The following LDLRAD4 variants were observed in gnomAD, a reference collection of about 807,000 sequenced individuals.
The protein encoded by LDLRAD4 is low-density lipoprotein receptor class A domain-containing protein 4.
Under a neutral mutation model 17.0 loss-of-function variants are expected in LDLRAD4, and 5 were observed. The ratio of observed to expected loss-of-function variants is 0.29; its 90% CI spans 0.15 to 0.62. LDLRAD4 has a LOEUF of 0.62. Among genes scored for constraint, LDLRAD4 ranks in the 20% least tolerant of loss-of-function variants. The pLI, the probability that LDLRAD4 is intolerant of heterozygous loss-of-function variation, is 0.84. For missense variants in LDLRAD4, 340 were observed against 424.7 expected, an observed-to-expected ratio of 0.80 and a Z score of 1.75; for synonymous variants, 168 against 171.8, an observed-to-expected ratio of 0.98 and a Z score of 0.17.
chr18:13,247,750 C>T (rs372766165), intron 1 of LDLRAD4, among the ~76,000 whole-genome samples: 18 of 152,200 alleles, frequency 1.2e-4, no homozygotes, highest in African/African-American at 3.6e-4. Flanking sequence ...TTGCTGATGG[C>T]GCTCCAGGGT....
intron 1 of LDLRAD4, among the ~76,000 whole-genome samples, chr18:13,307,925 C>A (rs2047008902): frequency 6.6e-6 from 1 of 152,142 alleles, no homozygotes; most frequent in East Asian, 1.9e-4. Flanking sequence ...GGGCTGGCAT[C>A]CCTAACCTCT....
At chr18:13,586,130 G>T (rs1293684) in intron 3 of LDLRAD4, among the ~76,000 whole-genome samples, 1 of 152,106 alleles carries the variant, frequency 6.6e-6, no homozygotes, top group Admixed American at 6.5e-5. Context: ...AACTGAGGGC[G>T]GGGCATGGTG....
chr18:13,481,229 C>T (rs982010605), intron 3 of LDLRAD4, among the ~76,000 whole-genome samples: 3 of 152,200 alleles, frequency 2.0e-5, no homozygotes, highest in African/African-American at 4.8e-5. Context: ...AGTGAACACC[C>T]TGCTTTGAGA....
chr18:13,369,924 C>T (rs569662999), intron 1 of LDLRAD4, among the ~76,000 whole-genome samples: 97 of 152,328 alleles, frequency 6.4e-4, no homozygotes, highest in Admixed American at 1.0e-3. Flanking sequence ...AGCCTGACCA[C>T]GCCTGCCACC....
At chr18:13,237,608 C>G (rs1425117797) in intron 1 of LDLRAD4, among the ~76,000 whole-genome samples, 1 of 152,178 alleles carries the variant, frequency 6.6e-6, no homozygotes, top group Non-Finnish European at 1.5e-5. Context: ...TTGTTCCTAG[C>G]TCGGTCTCCA....
At chr18:13,344,700 C>A (rs1186708189) in intron 1 of LDLRAD4, among the ~76,000 whole-genome samples, 1 of 152,188 alleles carries the variant, frequency 6.6e-6, no homozygotes, top group Admixed American at 6.5e-5. Context: ...GATATTGATT[C>A]TTCTTACCCA....
intron 3 of LDLRAD4, among the ~76,000 whole-genome samples, chr18:13,492,273 T>C (rs1009866590): frequency 6.6e-6 from 1 of 152,224 alleles, no homozygotes; most frequent in African/African-American, 2.4e-5. Context: ...GAAAGGTGAA[T>C]CCTGGATTTC....
chr18:13,622,039 G>A lies in LDLRAD4; in HGVS notation c.336+768G>A, dbSNP rs12604959. Among the ~76,000 whole-genome samples the A allele has an allele frequency of 0.021, 3,129 of 152,244 alleles. 327 individuals are homozygous for A. The East Asian group carries it at 0.31, about 15-fold the overall frequency. ...GCGAGCGTATAAATCCTTGGCTTCCGTGATGGGCAGCGAGGCCGAGTCTCC... is the reference window on the plus strand; with the variant it reads ...GCGAGCGTATAAATCCTTGGCTTCCATGATGGGCAGCGAGGCCGAGTCTCC... On this transcript the variant is annotated intron_variant, in intron 4 of 5. Transcript: ENST00000359446. The surrounding 1 kb of genome is among the most constrained non-coding windows in gnomAD (Gnocchi z 5.3).
At chr18:13,316,312 C>T (rs775290738) in intron 1 of LDLRAD4, among the ~76,000 whole-genome samples, 7 of 152,170 alleles carry the variant, frequency 4.6e-5, no homozygotes, top group South Asian at 4.2e-4. Flanking sequence ...AATCAGATGA[C>T]GATGAAATGA....
Position 13,219,840 on chromosome 18 carries a change from A to C in LDLRAD4, c.-467+852A>C, listed in dbSNP as rs749767567. 5.1e-4 allele frequency among the ~76,000 whole-genome samples: 77 copies of C among 152,238 alleles called. 1 individual carries two copies. Among genetic ancestry groups the C allele is most frequent in the Non-Finnish European group, 1.5e-4 (10 of 68,048 alleles). On this transcript the variant is annotated intron_variant, in intron 1 of 5. Transcript: ENST00000399848. ...ACAGAGAAGGTTCTGCAAAGTCTGC[A>C]CAGGGAGACTGCCATTGCATCAAGT...
chr18:13,426,427 A>G (rs575860603), intron 2 of LDLRAD4, among the ~76,000 whole-genome samples: 1 of 152,324 alleles, frequency 6.6e-6, no homozygotes, highest in East Asian at 1.9e-4. Flanking sequence ...GTTGTCAGAA[A>G]TAAGTAGTTT....
At chr18:13,551,925 A>G (rs993703237) in intron 3 of LDLRAD4, among the ~76,000 whole-genome samples, 1 of 152,118 alleles carries the variant, frequency 6.6e-6, no homozygotes, top group Non-Finnish European at 1.5e-5. Flanking sequence ...TCATGGCATA[A>G]GGCAAAGGGG....
At chr18:13,640,885 A>C (rs1460254957) in intron 4 of LDLRAD4, among the ~76,000 whole-genome samples, 1 of 152,246 alleles carries the variant, frequency 6.6e-6, no homozygotes, top group Non-Finnish European at 1.5e-5. Context: ...GAATTTAGTT[A>C]CTTATTTAAC....
At chr18:13,582,892 C>A (rs2094883212) in intron 3 of LDLRAD4, among the ~76,000 whole-genome samples, 1 of 152,052 alleles carries the variant, frequency 6.6e-6, no homozygotes, top group Non-Finnish European at 1.5e-5. Flanking sequence ...TTAAATTTTA[C>A]ATTTTGTAGA....
chr18:13,420,538 T>G (rs1276918890), intron 2 of LDLRAD4: 2 of 152,258 alleles, frequency 1.3e-5, no homozygotes, highest in Non-Finnish European at 2.9e-5. Context: ...GAAGGAATCT[T>G]ACTGCCATTT....
intron 1 of LDLRAD4, among the ~76,000 whole-genome samples, chr18:13,341,126 G>A (rs916035865): frequency 5.9e-5 from 9 of 151,576 alleles, no homozygotes; most frequent in African/African-American, 1.5e-4. Flanking sequence ...GATTATTGCA[G>A]CTTTATTCTA....
chr18:13,535,519 A>G (rs761782108), intron 3 of LDLRAD4, among the ~76,000 whole-genome samples: 2 of 152,098 alleles, frequency 1.3e-5, no homozygotes, highest in African/African-American at 2.4e-5. Context: ...TGGGTTGTCT[A>G]TTGATTTGTA....
At chr18:13,316,536 A>C (rs1253211532) in intron 1 of LDLRAD4, among the ~76,000 whole-genome samples, 1 of 152,222 alleles carries the variant, frequency 6.6e-6, no homozygotes, top group Non-Finnish European at 1.5e-5. Flanking sequence ...CCACGTAAAC[A>C]GCAAAGCCAC....
chr18:13,259,749 G>A (rs1333266563), intron 1 of LDLRAD4, among the ~76,000 whole-genome samples: 1 of 149,972 alleles, frequency 6.7e-6, no homozygotes, highest in Admixed American at 6.6e-5. Flanking sequence ...CACTTACATG[G>A]GATAATTTGC....
Sources: allele counts gnomAD v4.1 joint callset (sites outside exome capture counted in the v4.1 genomes callset), GRCh38; gene constraint gnomAD v4.1.1; non-coding constraint Gnocchi (gnomAD v3.1); transcripts MANE v1.5; gene names NCBI Gene and HGNC (gene_info 2026-07-23, HGNC 2026-07-21).